The following RASIP1 variants were observed in gnomAD, a reference collection of about 807,000 sequenced individuals.
RASIP1 encodes the protein Ras interacting protein 1.
A neutral mutation model predicts 85.3 loss-of-function variants in RASIP1; 20 were observed. That is an observed-to-expected ratio of 0.23 (90% CI 0.17 to 0.34). RASIP1 has a LOEUF of 0.34. Among genes scored for constraint, RASIP1 ranks in the 10% least tolerant of loss-of-function variants. The probability of loss-of-function intolerance (pLI) is 1.00; values close to 1 mark genes in which losing one functional copy is unlikely to be tolerated. For synonymous variants in RASIP1, 617 were observed against 647.1 expected, an observed-to-expected ratio of 0.95 and a Z score of 0.71; for missense variants, 1,170 against 1,390.9, an observed-to-expected ratio of 0.84 and a Z score of 2.53.
intron 4 of RASIP1, among the ~76,000 whole-genome samples, chr19:48,734,673 TAC>T (rs1568481627): frequency 6.6e-6 from 1 of 151,918 alleles, no homozygotes; most frequent in East Asian, 1.9e-4. Flanking sequence ...TTTTAGTACA[TAC>T]AGGGTTTCTC....
rs1162872068 is a variant in RASIP1, at chr19:48,728,964, C to G, written c.1806G>C (p.Leu602=). The G allele has an allele frequency of 8.2e-6, 12 of 1,460,646 alleles. No individual in the cohort carries two copies. Among genetic ancestry groups the G allele is most frequent in the African/African-American group, 1.5e-5 (1 of 67,104 alleles). The allele number at this position is 1,460,646 out of a possible 1,614,324, so 90.5% of individuals were successfully genotyped here. The change falls in exon 5 of 12, where the codon CTG becomes CTC. Residue 602 remains leucine (L), a synonymous_variant. Transcript: ENST00000222145. ...AGACGGCCTCCTTGATGAGCCGGGC[C>G]AGGCGGCCCAGCAGTCGTGGCAGGT... ...LGHLPRLLGR[L]ARLIKEAVWE...
At position 48,729,709 on chromosome 19, in the gene RASIP1, C is replaced by CTTTTTTTTTTTTTTTTTTTTTTTTTT. The variant is rs35424254; in HGVS notation, c.1180-120_1180-119insAAAAAAAAAAAAAAAAAAAAAAAAAA. 3.0e-5 allele frequency: 9 copies of CTTTTTTTTTTTTTTTTTTTTTTTTTT among 295,826 alleles called. No homozygotes were observed. In the African/African-American group the frequency reaches 3.7e-4, roughly 12 times the overall value. 18.3% of individuals were successfully genotyped at this position (295,826 alleles called of 1,614,324 possible). On this transcript the variant is annotated intron_variant, in intron 4 of 11. Coordinates refer to ENST00000222145, the MANE Select transcript of RASIP1 (RefSeq NM_017805.3). ...ACCAACTTTTTTTTTCCTTCTTCTT[C>CTTTTTTTTTTTTTTTTTTTTTTTTTT]TTTTTTTTTTTTTTTTTTTTTTTGA...
At chr19:48,721,024 G>C in intron 11 of RASIP1, 27 bp from the exon 12 acceptor site, 11 of 1,546,464 alleles carry the variant, frequency 7.1e-6, no homozygotes, top group Non-Finnish European at 7.0e-6. Context: ...GGCGCGGTTA[G>C]AGTCTGAAAG....
intron 5 of RASIP1, among the ~76,000 whole-genome samples, chr19:48,727,695 T>G (rs910017002): frequency 4.7e-5 from 7 of 150,078 alleles, no homozygotes; most frequent in South Asian, 2.1e-4. Context: ...TTTTTTTTTT[T>G]TTTTTTTTGA....
intron 7 of RASIP1, 44 bp from the exon 8 acceptor site, chr19:48,726,932 A>C (rs2033351742): frequency 6.2e-7 from 1 of 1,609,578 alleles, no homozygotes; most frequent in African/African-American, 1.3e-5. Flanking sequence ...AGAAGTCGGC[A>C]GCCAGGAGCC....
chr19:48,728,024 G>A (rs2033373480), intron 5 of RASIP1, among the ~76,000 whole-genome samples: 1 of 152,092 alleles, frequency 6.6e-6, no homozygotes, highest in South Asian at 2.1e-4. Flanking sequence ...CTTTAGAATG[G>A]TCTCTCCTTA....
In RASIP1 at chr19:48,722,005, G is replaced by C; in HGVS notation, c.2545-4C>G. 7.0e-7 allele frequency: 1 copy of C among 1,427,402 alleles called. No homozygotes were observed. The highest frequency in any genetic ancestry group is 9.4e-7 in the Non-Finnish European group (1 of 1,066,480). The allele number at this position is 1,427,402 out of a possible 1,614,324, so 88.4% of individuals were successfully genotyped here. A position where few individuals can be genotyped will look rare whatever the true frequency, so the allele number is the denominator to read the frequency against. Reference sequence around the variant, plus strand: ...TTCTTAGGCTGCTCCATGAAGCCTGGTGGGAAGACCAGGTGAGAGGTTGAT... The same window carrying C: ...TTCTTAGGCTGCTCCATGAAGCCTGCTGGGAAGACCAGGTGAGAGGTTGAT... On this transcript the variant is annotated splice_polypyrimidine_tract_variant and splice_region_variant and intron_variant, in intron 10 of 11. Coordinates refer to ENST00000222145, the MANE Select transcript of RASIP1 (RefSeq NM_017805.3).
In RASIP1 at chr19:48,735,416, T is replaced by A. The variant is rs766011489; in HGVS notation, c.959A>T (p.Asn320Ile). ...AGSGGKERSE[N>I]LSLRRSVSEL... ...CGACACGCTGCGCCGCAAAGACAAG[T>A]TTTCTGAGCGCTCCTTGCCTCCAGA... Residue 320 changes from asparagine (N) to isoleucine (I), a missense_variant, in exon 4 of 12, where the codon AAC becomes ATC. Coordinates refer to ENST00000222145, the MANE Select transcript of RASIP1 (RefSeq NM_017805.3). The A allele has an allele frequency of 1.9e-6, 3 of 1,611,822 alleles. No individual in the cohort carries two copies. Among genetic ancestry groups the A allele is most frequent in the Non-Finnish European group, 2.5e-6 (3 of 1,179,382 alleles).
intron 5 of RASIP1, among the ~76,000 whole-genome samples, chr19:48,728,689 C>T (rs572641540): frequency 5.0e-4 from 76 of 152,200 alleles, no homozygotes; most frequent in Non-Finnish European, 1.5e-4. Flanking sequence ...ATTTGAACCC[C>T]GGAGGTAGAG....
At chr19:48,733,460 C>T (rs1171432771) in intron 4 of RASIP1, among the ~76,000 whole-genome samples, 1 of 152,218 alleles carries the variant, frequency 6.6e-6, no homozygotes. Context: ...TACCACCTGC[C>T]TCCATCAATA....
chr19:48,734,799 G>T (rs1234012569), intron 4 of RASIP1, among the ~76,000 whole-genome samples: 1 of 152,054 alleles, frequency 6.6e-6, no homozygotes, highest in Non-Finnish European at 1.5e-5. Flanking sequence ...ATTTTTGGTA[G>T]AGACAGGATC....
intron 10 of RASIP1, among the ~76,000 whole-genome samples, chr19:48,723,839 G>A (rs564027705): frequency 1.4e-4 from 19 of 139,336 alleles, no homozygotes; most frequent in Admixed American, 3.9e-4. Flanking sequence ...ACAGGGTCTC[G>A]CTCTGTCGCC....
chr19:48,737,144 C>G (rs1405663426), intron 3 of RASIP1, among the ~76,000 whole-genome samples: 1 of 152,180 alleles, frequency 6.6e-6, no homozygotes, highest in Non-Finnish European at 1.5e-5. Context: ...TGCTTATAAT[C>G]GTCATTCTTT....
In RASIP1 at chr19:48,725,115, A is replaced by G. The variant is rs977638563; in HGVS notation, c.2128-155T>C. The G allele has an allele frequency of 7.3e-6, 6 of 821,954 alleles. No homozygotes were observed. The Admixed American group carries it at 1.8e-4, about 24-fold the overall frequency. 50.9% of individuals were successfully genotyped at this position (821,954 alleles called of 1,614,324 possible). A position where few individuals can be genotyped will look rare whatever the true frequency, so the allele number is the denominator to read the frequency against. On this transcript the variant is annotated intron_variant, in intron 8 of 11. Coordinates refer to ENST00000222145, the MANE Select transcript of RASIP1 (RefSeq NM_017805.3). ...ACACCCAAAGGGTCTCCGTGAGCAA[A>G]TCCCTACTTGATAGAAGGGTATACA...
In RASIP1 at chr19:48,740,298, C is replaced by G. The variant is rs1427417775; in HGVS notation, c.-4-12G>C. 4 of 1,567,224 alleles carry G rather than the reference C, an allele frequency of 2.6e-6. No individual in the cohort carries two copies. Among genetic ancestry groups the G allele is most frequent in the Non-Finnish European group, 2.6e-6 (3 of 1,161,384 alleles). On this transcript the variant is annotated splice_polypyrimidine_tract_variant and intron_variant, in intron 1 of 11. Transcript: ENST00000222145. This position sits in a 1 kb window ranked among gnomAD's most constrained non-coding sequence, Gnocchi z 5.5. Reference sequence around the variant, plus strand: ...CAGACAGCATGGCCCTAAGGGAAGGCGGGTAAGGCCCCAACTCCTAAGGCA... The same window carrying G: ...CAGACAGCATGGCCCTAAGGGAAGGGGGGTAAGGCCCCAACTCCTAAGGCA...
chr19:48,739,141 C>A lies in RASIP1; in HGVS notation c.642G>T (p.Ala214=). 2 of 1,362,348 alleles carry A rather than the reference C, an allele frequency of 1.5e-6. No homozygotes were observed. The highest frequency in any genetic ancestry group is 3.7e-5 in the Admixed American group (1 of 26,910). The allele number at this position is 1,362,348 out of a possible 1,614,324, so 84.4% of individuals were successfully genotyped here. The change falls in exon 3 of 12, where the codon GCG becomes GCT. Residue 214 remains alanine, a synonymous_variant. Transcript: ENST00000222145. The surrounding 1 kb of genome is among the most constrained non-coding windows in gnomAD (Gnocchi z 9.2). ...LCDALGRPAA[A]GVGSGEWRAE... ...CCCGCCACTCGCCGCTTCCCACGCC[C>A]GCCGCCGCGGGCCGGCCCAGAGCGT... is the stretch of plus-strand genomic sequence containing the variant.
rs899531510 is a variant in RASIP1, at chr19:48,729,109, G to T, written c.1661C>A (p.Ala554Glu). ...GGCGCGCACGATCTCGCCCAGCAGC[G>T]CCTCCTCCTCGCGCGGCCGGAAGCG... is the stretch of plus-strand genomic sequence containing the variant. ...VLRFRPREEE[A>E]LLGEIVRAAA... Residue 554 changes from alanine to glutamate, a missense_variant, in exon 5 of 12, where the codon GCG becomes GAG. By Grantham distance (107) the Ala-to-Glu change is moderately radical (BLOSUM62 -1). Around this residue, in one of 4 missense-constraint regions of RASIP1, gnomAD observed 426 missense variants for 576.2 expected, o/e 0.74. Transcript: ENST00000222145. 1.5e-6 allele frequency: 2 copies of T among 1,372,002 alleles called. No homozygotes were observed. Among genetic ancestry groups the T allele is most frequent in the Non-Finnish European group, 1.9e-6 (2 of 1,068,798 alleles). The allele number at this position is 1,372,002 out of a possible 1,614,324, so 85.0% of individuals were successfully genotyped here.
chr19:48,721,960 G>A lies in RASIP1; in HGVS notation c.2586C>T (p.Thr862=). The A allele has an allele frequency of 1.3e-6, 2 of 1,538,980 alleles. No individual in the cohort carries two copies. Among genetic ancestry groups the A allele is most frequent in the South Asian group, 2.4e-5 (2 of 82,550 alleles). Residue 862 remains threonine (T), a synonymous_variant, in exon 11 of 12, where the codon ACC becomes ACT. Coordinates refer to ENST00000222145, the MANE Select transcript of RASIP1 (RefSeq NM_017805.3). ...SSLRTDHPTL[T]PAQLHHLLSH... is the part of the protein sequence containing the mutation. ...TGAGCAGATGGTGCAGCTGGGCGGG[G>A]GTCAAGGTGGGGTGGTCGGTTCTTA...
chr19:48,736,881 C>A (rs1412030351), intron 3 of RASIP1, among the ~76,000 whole-genome samples: 1 of 152,050 alleles, frequency 6.6e-6, no homozygotes, highest in Non-Finnish European at 1.5e-5. Flanking sequence ...ACTCAAAATA[C>A]AAAAAATCAG....
Sources: allele counts gnomAD v4.1 joint callset (sites outside exome capture counted in the v4.1 genomes callset), GRCh38; gene constraint gnomAD v4.1.1; regional missense constraint gnomAD v4.1.1; non-coding constraint Gnocchi (gnomAD v3.1); transcripts MANE v1.5; gene names NCBI Gene and HGNC (gene_info 2026-07-23, HGNC 2026-07-21).